MAST2: variants seen among roughly 807,000 people sequenced by gnomAD.
MAST2 encodes the protein microtubule-associated serine/threonine-protein kinase 2.
A neutral mutation model predicts 147.4 loss-of-function variants in MAST2; 70 were observed. The ratio of observed to expected loss-of-function variants is 0.47; its 90% CI spans 0.39 to 0.58. The LOEUF is 0.58. Among genes scored for constraint, MAST2 ranks in the 20% least tolerant of loss-of-function variants. MAST2 has a pLI of 0.00. For missense variants in MAST2, 2,080 were observed against 2,302.3 expected (o/e 0.90, Z 1.98); for synonymous variants, 869 against 896.8 (o/e 0.97, Z 0.55).
chr1:45,963,240 A>G (rs1660693887), intron 5 of MAST2, among the ~76,000 whole-genome samples: 1 of 152,156 alleles, frequency 6.6e-6, no homozygotes, highest in Admixed American at 6.5e-5. Flanking sequence ...TTGTCTTGGC[A>G]ATGCGGGCTC....
At chr1:45,950,059 G>A (rs1296835469) in intron 4 of MAST2, among the ~76,000 whole-genome samples, 1 of 152,078 alleles carries the variant, frequency 6.6e-6, no homozygotes, top group Non-Finnish European at 1.5e-5. Context: ...AGACATTGAG[G>A]TCTACTTGGG....
chr1:46,029,607 A>G, intron 19 of MAST2, 40 bp downstream of exon 19: 1 of 1,579,156 alleles, frequency 6.3e-7, no homozygotes, highest in Non-Finnish European at 8.7e-7. Context: ...TACTTGGAAA[A>G]GGGGTAAGGG....
chr1:46,016,693 G>A (rs1490708904), intron 10 of MAST2, among the ~76,000 whole-genome samples: 9 of 152,306 alleles, frequency 5.9e-5, no homozygotes, highest in African/African-American at 1.4e-4. Flanking sequence ...AAATGGAAGA[G>A]CATTCCATGC....
At chr1:45,904,852 G>A (rs1233862304) in intron 4 of MAST2, among the ~76,000 whole-genome samples, 1 of 152,092 alleles carries the variant, frequency 6.6e-6, no homozygotes, top group Non-Finnish European at 1.5e-5. Context: ...CTGTTGCCCA[G>A]GCTGGAGTGT....
At chr1:45,930,031 A>G (rs1655020679) in intron 4 of MAST2, among the ~76,000 whole-genome samples, 1 of 152,188 alleles carries the variant, frequency 6.6e-6, no homozygotes, top group African/African-American at 2.4e-5. Context: ...CTGAGAGCTA[A>G]AAAATGGTAT....
chr1:45,943,558 A>G (rs761563515), intron 4 of MAST2, among the ~76,000 whole-genome samples: 41 of 152,202 alleles, frequency 2.7e-4, no homozygotes, highest in Non-Finnish European at 4.6e-4. Context: ...ATCAAAAAGC[A>G]TTCTTAGTTT....
intron 4 of MAST2, among the ~76,000 whole-genome samples, chr1:45,954,174 G>A (rs2148879783): frequency 6.6e-6 from 1 of 152,276 alleles, no homozygotes; most frequent in Admixed American, 6.5e-5. Flanking sequence ...GGAGACTGGA[G>A]AGACCTAAGG....
At chr1:45,964,816 G>A (rs929914795) in intron 5 of MAST2, among the ~76,000 whole-genome samples, 1 of 152,092 alleles carries the variant, frequency 6.6e-6, no homozygotes, top group Admixed American at 6.6e-5. Context: ...ATGTTAGGGT[G>A]TCAACTTTAG....
intron 5 of MAST2, among the ~76,000 whole-genome samples, chr1:45,992,368 C>G (rs371553121): frequency 6.6e-6 from 1 of 152,254 alleles, no homozygotes; most frequent in Non-Finnish European, 1.5e-5. Context: ...TTGAGCCATC[C>G]TTGCATACTT....
intron 4 of MAST2, among the ~76,000 whole-genome samples, chr1:45,924,261 AAAT>A (rs1393353435): frequency 6.6e-6 from 1 of 152,186 alleles, no homozygotes; most frequent in African/African-American, 2.4e-5. Flanking sequence ...CTCTGTACTC[AAAT>A]TCACAGTCCA....
At position 46,034,242 on chromosome 1, in the gene MAST2, G is replaced by C. The variant is rs186884045; in HGVS notation, c.3844G>C (p.Val1282Leu). The C allele has an allele frequency of 1.2e-6, 2 of 1,613,706 alleles. No individual in the cohort carries two copies. Among genetic ancestry groups the C allele is most frequent in the East Asian group, 4.5e-5 (2 of 44,882 alleles). The change falls in exon 28 of 29, where the codon GTG becomes CTG. Residue 1282 changes from valine (V) to leucine (L), a missense_variant. By Grantham distance (32) the Val-to-Leu change is conservative. Coordinates refer to ENST00000361297, the MANE Select transcript of MAST2 (RefSeq NM_015112.3). Reference protein sequence around the residue: ...SPRSPTQGYRVTPDAVHSVGG... With the variant: ...SPRSPTQGYRLTPDAVHSVGG... ...CCGATCTCCCACTCAAGGCTACCGG[G>C]TGACCCCCGATGCTGTGCATTCAGG... is the stretch of plus-strand genomic sequence containing the variant.
chr1:46,001,727 G>A (rs1645281492), intron 6 of MAST2, among the ~76,000 whole-genome samples: 1 of 152,232 alleles, frequency 6.6e-6, no homozygotes, highest in Non-Finnish European at 1.5e-5. Flanking sequence ...CTAGGTATTG[G>A]TGAGGGTGGG....
intron 19 of MAST2, 21 bp from the exon 20 acceptor site, chr1:46,029,810 C>G (rs1232912840): frequency 6.2e-7 from 1 of 1,613,212 alleles, no homozygotes; most frequent in Non-Finnish European, 8.5e-7. Flanking sequence ...ACCCCCTTGC[C>G]CATGTCCTCC....
chr1:45,949,199 A>T (rs1650583029), intron 4 of MAST2, among the ~76,000 whole-genome samples: 1 of 152,206 alleles, frequency 6.6e-6, no homozygotes. Flanking sequence ...ACCAAAAGCG[A>T]TTGCAACAAA....
At chr1:46,021,012 A>G (rs1025892801) in intron 11 of MAST2, among the ~76,000 whole-genome samples, 3 of 152,204 alleles carry the variant, frequency 2.0e-5, no homozygotes, top group African/African-American at 4.8e-5. Context: ...AAGCAAATTC[A>G]TGTGAGATGG....
chr1:45,970,727 GCTGTCTGTCTGTC>G (rs1045895386), intron 5 of MAST2, among the ~76,000 whole-genome samples: 3 of 147,738 alleles, frequency 2.0e-5, no homozygotes, highest in Non-Finnish European at 3.0e-5. Context: ...CACTGTGTCT[GCTGTCTGTCTGTC>G]CAGTTTTGGG....
intron 4 of MAST2, among the ~76,000 whole-genome samples, chr1:45,889,986 G>A (rs896308962): frequency 3.9e-5 from 6 of 152,088 alleles, no homozygotes; most frequent in Admixed American, 1.3e-4. Flanking sequence ...CTCGTGATCC[G>A]CCTGCCTCGG....
chr1:45,897,774 A>C (rs976714827), intron 4 of MAST2, among the ~76,000 whole-genome samples: 2 of 151,570 alleles, frequency 1.3e-5, no homozygotes, highest in African/African-American at 4.9e-5. Context: ...ACGCCGCTGC[A>C]CTCCAGCCTG....
At chr1:45,927,129 G>A (rs1654502455) in intron 4 of MAST2, among the ~76,000 whole-genome samples, 1 of 152,168 alleles carries the variant, frequency 6.6e-6, no homozygotes, top group African/African-American at 2.4e-5. Context: ...GGGAGGGAGT[G>A]TGCGAATAGG....
Sources: gnomAD v4.1 joint callset for allele counts (sites outside exome capture counted in the v4.1 genomes callset) on GRCh38, gnomAD v4.1.1 for gene constraint, MANE v1.5 for transcripts, NCBI Gene and HGNC (gene_info 2026-07-23, HGNC 2026-07-21) for gene names.